Variants in SAMD12 observed in about 807,000 individuals in gnomAD.
The protein encoded by SAMD12 is sterile alpha motif domain containing 12.
Under a neutral mutation model 15.0 loss-of-function variants are expected in SAMD12, and 9 were observed. That is an observed-to-expected ratio of 0.60 (90% confidence interval 0.36 to 1.05). The LOEUF (loss-of-function observed/expected upper bound fraction) is 1.05. SAMD12 is among the 50% of genes least tolerant of loss of function. The pLI is 0.01. For synonymous variants in SAMD12, 86 were observed against 90.1 expected (o/e 0.96, Z 0.25); for missense variants, 230 against 234.2 (o/e 0.98, Z 0.12).
At chr8:118,540,794 A>G (rs1825966310) in intron 2 of SAMD12, among the ~76,000 whole-genome samples, 1 of 152,164 alleles carries the variant, frequency 6.6e-6, no homozygotes, top group Admixed American at 6.5e-5. Context: ...GAGCCAAATG[A>G]TAAGATCAAA....
At chr8:118,509,305 C>T (rs140483439) in intron 2 of SAMD12, among the ~76,000 whole-genome samples, 345 of 152,332 alleles carry the variant, frequency 2.3e-3, no homozygotes, top group Middle Eastern at 0.01. Context: ...CAAGGTCTGA[C>T]TCACAGCCAA....
At chr8:118,239,990 A>C (rs1563710811) in intron 4 of SAMD12, 2 of 152,156 alleles carry the variant, frequency 1.3e-5, no homozygotes, top group Non-Finnish European at 2.9e-5. Context: ...GCAAGATGGC[A>C]ATAAATTCAT....
At chr8:118,150,355 A>C in the SAMD12 span, among the ~76,000 whole-genome samples, 1 of 152,106 alleles carries the variant, frequency 6.6e-6, no homozygotes, top group Non-Finnish European at 1.5e-5. Flanking sequence ...ACATGTTATA[A>C]ATATTACAGT....
intron 2 of SAMD12, among the ~76,000 whole-genome samples, chr8:118,479,532 C>T (rs1824062480): frequency 6.6e-6 from 1 of 152,146 alleles, no homozygotes; most frequent in South Asian, 2.1e-4. Context: ...ACCCATGATT[C>T]AATTATCTCC....
intron 2 of SAMD12, among the ~76,000 whole-genome samples, chr8:118,474,282 C>T (rs1398383437): frequency 1.3e-5 from 2 of 152,016 alleles, no homozygotes; most frequent in Non-Finnish European, 1.5e-5. Flanking sequence ...TTATTCAAAG[C>T]CCAACATAAT....
chr8:118,284,181 C>T (rs764835675), intron 4 of SAMD12: 7 of 419,516 alleles, frequency 1.7e-5, no homozygotes, highest in Non-Finnish European at 3.3e-5. Context: ...CACTTTTTGC[C>T]CACCTTAATG....
intron 1 of SAMD12, among the ~76,000 whole-genome samples, chr8:118,586,670 T>A (rs1827455100): frequency 6.6e-6 from 1 of 152,142 alleles, no homozygotes. Flanking sequence ...GATCTGTATG[T>A]GTGTGTATGT....
the SAMD12 span, among the ~76,000 whole-genome samples, chr8:118,153,414 A>G: frequency 3.1e-4 from 47 of 152,348 alleles, no homozygotes; most frequent in Admixed American, 8.5e-4. Context: ...AAAGGAAAGT[A>G]CACTCTGTTT....
intron 2 of SAMD12, among the ~76,000 whole-genome samples, chr8:118,531,399 C>T (rs1350677103): frequency 1.3e-5 from 2 of 152,144 alleles, no homozygotes; most frequent in Non-Finnish European, 2.9e-5. Context: ...TTAGAATGGT[C>T]TTGGCAGTGT....
the SAMD12 span, among the ~76,000 whole-genome samples, chr8:118,155,605 A>G: frequency 6.6e-6 from 1 of 152,218 alleles, no homozygotes. Context: ...GCTCCAAGGA[A>G]GGAGAACGCT....
rs972497767 is a variant in SAMD12 at position 118,434,076 on chromosome 8, T to A, written c.322+5756A>T. Among the ~76,000 whole-genome samples the A allele has an allele frequency of 1.6e-4, 25 of 152,274 alleles. No homozygotes were observed. In the Middle Eastern group the frequency reaches 0.02, roughly 124 times the overall value. ...AAAATCAGCCCTGAAGAGAACAACG[T>A]TAGCAAATGCATGGAGCCACATTCC... On this transcript the variant is annotated intron_variant, in intron 3 of 3. Transcript: ENST00000314727.
intron 4 of SAMD12, among the ~76,000 whole-genome samples, chr8:118,345,169 A>C (rs1477916561): frequency 6.6e-6 from 1 of 152,122 alleles, no homozygotes; most frequent in Admixed American, 6.5e-5. Flanking sequence ...ACATATTTTG[A>C]TATACAAATA....
At chr8:118,467,802 C>A (rs934829337) in intron 2 of SAMD12, among the ~76,000 whole-genome samples, 1 of 152,232 alleles carries the variant, frequency 6.6e-6, no homozygotes, top group East Asian at 1.9e-4. Flanking sequence ...GATGACAGGG[C>A]CAATCAATTT....
intron 4 of SAMD12, among the ~76,000 whole-genome samples, chr8:118,271,878 G>GC (rs1343012315): frequency 2.0e-5 from 3 of 152,194 alleles, no homozygotes; most frequent in Non-Finnish European, 2.9e-5. Flanking sequence ...GTAGAGTACA[G>GC]CCCCCCACTT....
At chr8:118,557,337 C>T (rs1826566516) in intron 2 of SAMD12, among the ~76,000 whole-genome samples, 1 of 152,210 alleles carries the variant, frequency 6.6e-6, no homozygotes, top group Admixed American at 6.5e-5. Flanking sequence ...CCTTCACAGC[C>T]ATGCAGAACT....
the SAMD12 span, among the ~76,000 whole-genome samples, chr8:118,150,130 T>C: frequency 4.6e-5 from 7 of 152,230 alleles, no homozygotes; most frequent in Non-Finnish European, 1.0e-4. Context: ...CTAAACGTCC[T>C]TCTGTATACA....
intron 4 of SAMD12, among the ~76,000 whole-genome samples, chr8:118,269,220 C>CTCTCTCTGTGTGTGTG (rs1299970707): frequency 4.9e-5 from 6 of 123,040 alleles, no homozygotes; most frequent in African/African-American, 2.0e-4. Context: ...CTCTCTCTCT[C>CTCTCTCTGTGTGTGTG]TGTGTGTGTG....
chr8:118,204,866 T>G (rs1819818905), intron 4 of SAMD12, among the ~76,000 whole-genome samples: 1 of 152,244 alleles, frequency 6.6e-6, no homozygotes, highest in Admixed American at 6.5e-5. Context: ...ACATACTAAC[T>G]GGTAACTTCC....
At chr8:118,150,609 TCCTCCTGCCTTGG>T in the SAMD12 span, among the ~76,000 whole-genome samples, 1 of 152,174 alleles carries the variant, frequency 6.6e-6, no homozygotes, top group Admixed American at 6.5e-5. Flanking sequence ...CCTCAAGTGA[TCCTCCTGCCTTGG>T]CCTCCCAAAG....
Sources: gnomAD v4.1 joint callset for allele counts (sites outside exome capture counted in the v4.1 genomes callset) on GRCh38, gnomAD v4.1.1 for gene constraint, MANE v1.5 for transcripts, NCBI Gene and HGNC (gene_info 2026-07-23, HGNC 2026-07-21) for gene names.